The following FAT4 variants were observed in gnomAD, a reference collection of about 807,000 sequenced individuals.
The protein encoded by FAT4 is protocadherin Fat 4.
In FAT4, 84 loss-of-function variants were observed where a neutral mutation model predicts 303.9. That is an observed-to-expected ratio of 0.28 (90% CI 0.23 to 0.33). The LOEUF is 0.33. Ranked by LOEUF, FAT4 falls within the 10% of genes least tolerant of loss-of-function variation. The pLI, the probability that FAT4 is intolerant of heterozygous loss-of-function variation, is 1.00. For synonymous variants in FAT4, 2,307 were observed against 2,298.8 expected, an observed-to-expected ratio of 1.00 and a Z score of -0.10; for missense variants, 6,005 against 6,146.8, an observed-to-expected ratio of 0.98 and a Z score of 0.77.
At position 125,415,017 on chromosome 4, in the gene FAT4, T is replaced by G; in HGVS notation, c.6054T>G (p.Val2018=). 1 of 1,614,066 alleles carries G rather than the reference T, an allele frequency of 6.2e-7. No homozygotes were observed. The highest frequency in any genetic ancestry group is 1.1e-5 in the South Asian group (1 of 91,086). ...GTCAGTCCTTCTACAACTTGGTTGTTCAAGTGCATGACCTGCCACAGATTC... is the reference window on the plus strand; with the variant it reads ...GTCAGTCCTTCTACAACTTGGTTGTGCAAGTGCATGACCTGCCACAGATTC... ...RESQSFYNLV[V]QVHDLPQIPA... Residue 2018 remains valine, a synonymous_variant, in exon 6 of 18, where the codon GTT becomes GTG. Transcript: ENST00000394329.
rs371445183 is a variant in FAT4 at position 125,490,063 on chromosome 4, T to A, written c.13247T>A (p.Leu4416Gln). The change falls in exon 18 of 18, where the codon CTG becomes CAG. Residue 4416 changes from leucine (L) to glutamine (Q), a missense_variant. Leu to Gln is a moderately radical substitution (Grantham distance 113). Coordinates refer to ENST00000394329, the MANE Select transcript of FAT4 (RefSeq NM_001291303.3). ...AGCAACCCCTGCTGGGGTGATTTGC[T>A]GTGCATTAATCAGTGGTATGCCTAC... Reference protein sequence around the residue: ...CASNPCWGDLLCINQWYAYRC... With the variant: ...CASNPCWGDLQCINQWYAYRC... 6.2e-7 allele frequency: 1 copy of A among 1,614,088 alleles called. No individual in the cohort carries two copies. The highest frequency in any genetic ancestry group is 8.5e-7 in the Non-Finnish European group (1 of 1,180,002).
intron 10 of FAT4, among the ~76,000 whole-genome samples, chr4:125,461,144 C>T (rs1578672407): frequency 1.3e-5 from 2 of 152,004 alleles, no homozygotes; most frequent in African/African-American, 2.4e-5. Context: ...TTCCACTCCT[C>T]ACTCTGGAGT....
chr4:125,383,940 G>T (rs1374527410), intron 2 of FAT4, among the ~76,000 whole-genome samples: 2 of 152,156 alleles, frequency 1.3e-5, no homozygotes, highest in Non-Finnish European at 2.9e-5. Context: ...CATTGTCACT[G>T]CCCTATCAGA....
chr4:125,458,786 T>G (rs978433280), intron 10 of FAT4, among the ~76,000 whole-genome samples: 1 of 151,920 alleles, frequency 6.6e-6, no homozygotes, highest in Non-Finnish European at 1.5e-5. Context: ...AGGTAAAAAC[T>G]TTTTTTGGTT....
chr4:125,317,269 C>A lies in FAT4; in HGVS notation c.858C>A (p.Arg286=), dbSNP rs761207856. ...DADEGTNADI[R]YRLQDEGTPF... ...ACGAGGGCACCAACGCGGACATCCG[C>A]TATCGCCTGCAGGACGAGGGGACCC... The change falls in exon 2 of 18, where the codon CGC becomes CGA. Residue 286 remains arginine, a synonymous_variant. Transcript: ENST00000394329. This position sits in a 1 kb window ranked among gnomAD's most constrained non-coding sequence, Gnocchi z 7.0. 11 of 1,582,076 alleles carry A rather than the reference C, an allele frequency of 7.0e-6. No individual in the cohort carries two copies. The African/African-American group carries it at 1.2e-4, about 17-fold the overall frequency.
In FAT4 at chr4:125,450,802, G is replaced by C. The variant is rs776497339; in HGVS notation, c.9792G>C (p.Gln3264His). Residue 3264 changes from glutamine to histidine, a missense_variant, in exon 10 of 18, where the codon CAG becomes CAC. Gln to His is a conservative substitution (Grantham distance 24, BLOSUM62 0). Transcript: ENST00000394329. ...GCTTCTTGGATTTTGAAACCAAGCA[G>C]AGCTACCATCTTACTGTGAAAGCCT... ...TQGFLDFETK[Q>H]SYHLTVKAFN... The C allele has an allele frequency of 1.5e-5, 25 of 1,613,990 alleles. No homozygotes were observed. The highest frequency in any genetic ancestry group is 2.1e-5 in the Non-Finnish European group (25 of 1,180,022).
chr4:125,465,344 A>G (rs1331422122), intron 11 of FAT4, among the ~76,000 whole-genome samples: 2 of 152,206 alleles, frequency 1.3e-5, no homozygotes, highest in African/African-American at 2.4e-5. Context: ...CTTTCTTTCA[A>G]TGGTGTCTCA....
chr4:125,352,847 T>G (rs935268328), intron 2 of FAT4, among the ~76,000 whole-genome samples: 1 of 151,716 alleles, frequency 6.6e-6, no homozygotes, highest in African/African-American at 2.4e-5. Flanking sequence ...CAGAGTCAAC[T>G]GTATAAGCCA....
At chr4:125,389,417 C>A (rs374439811) in intron 2 of FAT4, among the ~76,000 whole-genome samples, 6 of 152,140 alleles carry the variant, frequency 3.9e-5, no homozygotes, top group Non-Finnish European at 8.8e-5. Context: ...TATTTAAATA[C>A]GCATTTTCTA....
chr4:125,353,192 C>T (rs1732296270), intron 2 of FAT4, among the ~76,000 whole-genome samples: 1 of 151,626 alleles, frequency 6.6e-6, no homozygotes, highest in South Asian at 2.1e-4. Context: ...GGCCTTCAGT[C>T]AGAATGACTT....
chr4:125,468,914 A>G, intron 12 of FAT4, 95 bp downstream of exon 12: 1 of 1,290,612 alleles, frequency 7.7e-7, no homozygotes, highest in East Asian at 2.3e-5. Context: ...AGGTTTATTC[A>G]TTAAATGAAC....
At position 125,383,497 on chromosome 4, in the gene FAT4, C is replaced by G. The variant is rs532077797; in HGVS notation, c.5176-15287C>G. ...AATTCTCCCAAGAAAATAGTAACCT[C>G]AGTAATCGCTGATCATAGATCACCT... On this transcript the variant is annotated intron_variant, in intron 2 of 17. Transcript: ENST00000394329. Among the ~76,000 whole-genome samples, 37 of 152,098 alleles carry G rather than the reference C, an allele frequency of 2.4e-4. 2 individuals carry two copies. In the South Asian group the frequency reaches 7.5e-3, roughly 31 times the overall value.
intron 2 of FAT4, among the ~76,000 whole-genome samples, chr4:125,388,878 G>A (rs1486846470): frequency 6.6e-6 from 1 of 152,066 alleles, no homozygotes; most frequent in African/African-American, 2.4e-5. Flanking sequence ...GTCACTCCTG[G>A]CTACTCTCCA....
intron 8 of FAT4, among the ~76,000 whole-genome samples, chr4:125,444,885 T>G (rs1378528566): frequency 6.6e-6 from 1 of 152,144 alleles, no homozygotes; most frequent in Non-Finnish European, 1.5e-5. Flanking sequence ...TTTTCTACAC[T>G]TTGTAAAACG....
In FAT4 at chr4:125,491,953, A is replaced by G. The variant is rs1339589281; in HGVS notation, c.*185A>G. 2 of 587,122 alleles carry G rather than the reference A, an allele frequency of 3.4e-6. No individual in the cohort carries two copies. The highest frequency in any genetic ancestry group is 3.6e-5 in the Admixed American group (1 of 27,864). The allele number at this position is 587,122 out of a possible 1,614,324, so 36.4% of individuals were successfully genotyped here. ...ACTCACAACAACTCTTAATTTAAAC[A>G]TGTGTGGTTGAATTTATTTCCCTGC... On this transcript the variant is annotated 3_prime_UTR_variant, in exon 18 of 18. Transcript: ENST00000394329.
chr4:125,482,155 A>G (rs189238322), intron 16 of FAT4, among the ~76,000 whole-genome samples: 3 of 152,336 alleles, frequency 2.0e-5, no homozygotes, highest in East Asian at 3.9e-4. Flanking sequence ...AATTGACAGG[A>G]TTAGAATAAG....
chr4:125,481,433 T>C, intron 15 of FAT4, 88 bp from the exon 16 acceptor site: 1 of 1,115,934 alleles, frequency 9.0e-7, no homozygotes, highest in African/African-American at 1.6e-5. Context: ...ATTTTCATTG[T>C]CCTTTTTATA....
Position 125,415,703 on chromosome 4 carries a change from T to G in FAT4, c.6740T>G (p.Ile2247Ser), listed in dbSNP as rs765006785. The G allele has an allele frequency of 6.2e-7, 1 of 1,614,014 alleles. No individual in the cohort carries two copies. The highest frequency in any genetic ancestry group is 8.5e-7 in the Non-Finnish European group (1 of 1,179,926). Residue 2247 changes from isoleucine (I) to serine (S), a missense_variant, in exon 6 of 18, where the codon ATT (isoleucine) becomes AGT (serine). By Grantham distance (142) the Ile-to-Ser change is moderately radical. Coordinates refer to ENST00000394329, the MANE Select transcript of FAT4 (RefSeq NM_001291303.3). The part of the protein sequence containing the change: ...TPRTDTSTVS[I>S]VLLDINDFVP... ...AGAACTGATACCTCCACGGTCAGCATTGTTCTACTGGATATTAATGACTTT... is the reference window on the plus strand; with the variant it reads ...AGAACTGATACCTCCACGGTCAGCAGTGTTCTACTGGATATTAATGACTTT...
intron 15 of FAT4, among the ~76,000 whole-genome samples, chr4:125,480,742 A>C (rs2126086615): frequency 6.6e-6 from 1 of 152,258 alleles, no homozygotes; most frequent in Non-Finnish European, 1.5e-5. Flanking sequence ...TTTTCAATGT[A>C]ATAAATATTT....
Sources: gnomAD v4.1 joint callset for allele counts (sites outside exome capture counted in the v4.1 genomes callset) on GRCh38, gnomAD v4.1.1 for gene constraint, Gnocchi (gnomAD v3.1) non-coding constraint, MANE v1.5 for transcripts, NCBI Gene and HGNC (gene_info 2026-07-23, HGNC 2026-07-21) for gene names.